Variants in NRG1 observed in about 807,000 individuals in gnomAD.
NRG1 encodes pro-neuregulin-1, membrane-bound isoform.
A neutral mutation model predicts 63.8 loss-of-function variants in NRG1; 18 were observed. The observed-to-expected ratio is 0.28, with a 90% CI of 0.19 to 0.42. NRG1 has a LOEUF of 0.42. Ranked by LOEUF, NRG1 falls within the 10% of genes least tolerant of loss-of-function variation. The probability of loss-of-function intolerance (pLI) is 1.00; values close to 1 mark genes in which losing one functional copy is unlikely to be tolerated. For missense variants in NRG1, 762 were observed against 814.7 expected, an observed-to-expected ratio of 0.94 and a Z score of 0.79; for synonymous variants, 302 against 301.3, an observed-to-expected ratio of 1.00 and a Z score of -0.02.
chr8:31,906,613 T>C (rs1191962356), intron 1 of NRG1, among the ~76,000 whole-genome samples: 1 of 152,156 alleles, frequency 6.6e-6, no homozygotes, highest in Non-Finnish European at 1.5e-5. Flanking sequence ...AGCAGTACTT[T>C]TAAGAAAGAA....
chr8:32,338,511 G>A (rs1490481343), intron 1 of NRG1, among the ~76,000 whole-genome samples: 1 of 152,098 alleles, frequency 6.6e-6, no homozygotes, highest in Admixed American at 6.6e-5. Context: ...CTGTACGCTA[G>A]GAGAATGGTG....
chr8:32,713,761 T>TA (rs1360896825), intron 5 of NRG1, among the ~76,000 whole-genome samples: 1 of 147,126 alleles, frequency 6.8e-6, no homozygotes, highest in East Asian at 1.9e-4. Flanking sequence ...ATATATTATA[T>TA]ATTTATATAA....
At chr8:32,102,633 G>A (rs2131369869) in intron 1 of NRG1, among the ~76,000 whole-genome samples, 1 of 152,248 alleles carries the variant, frequency 6.6e-6, no homozygotes, top group South Asian at 2.1e-4. Context: ...CTCCCTGTTA[G>A]GGGCACCTGA....
chr8:32,619,417 G>A (rs545576049), intron 5 of NRG1, among the ~76,000 whole-genome samples: 2 of 152,310 alleles, frequency 1.3e-5, no homozygotes, highest in African/African-American at 4.8e-5. Context: ...GTCTGAGCAT[G>A]TAGTGCCTTG....
chr8:32,051,762 G>A (rs969081518), intron 1 of NRG1, among the ~76,000 whole-genome samples: 1 of 152,100 alleles, frequency 6.6e-6, no homozygotes, highest in African/African-American at 2.4e-5. Flanking sequence ...GGGGAATGAT[G>A]GGAGATTTGC....
chr8:32,475,748 G>A (rs1445680628), intron 1 of NRG1, among the ~76,000 whole-genome samples: 1 of 152,118 alleles, frequency 6.6e-6, no homozygotes. Context: ...ATCTAAAAGT[G>A]TGGCAGAGGG....
Position 31,987,029 on chromosome 8 carries a change from G to C in NRG1, c.37+347598G>C, listed in dbSNP as rs545705279. On this transcript the variant is annotated intron_variant, in intron 1 of 10. Coordinates refer to the NRG1 transcript ENST00000519301. Reference sequence around the variant, plus strand: ...AATGTATTAGTGTTGGCTGAGCATGGTGGCTCACGCCTATAATCCTAGCAC... The same window carrying C: ...AATGTATTAGTGTTGGCTGAGCATGCTGGCTCACGCCTATAATCCTAGCAC... 2.6e-5 allele frequency among the ~76,000 whole-genome samples: 4 copies of C among 152,208 alleles called. No individual in the cohort carries two copies. In the East Asian group the frequency reaches 7.8e-4, roughly 30 times the overall value.
intron 5 of NRG1, among the ~76,000 whole-genome samples, chr8:32,700,503 A>G: frequency 6.6e-6 from 1 of 152,212 alleles, no homozygotes; most frequent in Non-Finnish European, 1.5e-5. Context: ...TAGAATTTAG[A>G]TAAGAATTAT....
intron 1 of NRG1, among the ~76,000 whole-genome samples, chr8:32,174,159 T>G (rs1485437982): frequency 6.6e-6 from 1 of 152,074 alleles, no homozygotes; most frequent in Non-Finnish European, 1.5e-5. Flanking sequence ...CACAGTGCAA[T>G]CAAACTAGTA....
At chr8:31,820,509 C>G (rs1265535072) in intron 1 of NRG1, among the ~76,000 whole-genome samples, 4 of 152,100 alleles carry the variant, frequency 2.6e-5, no homozygotes, top group African/African-American at 7.2e-5. Flanking sequence ...CATTCTTTAG[C>G]CAAGGTTGCC....
intron 1 of NRG1, among the ~76,000 whole-genome samples, chr8:32,453,780 C>T (rs1029812227): frequency 1.3e-5 from 2 of 152,212 alleles, no homozygotes; most frequent in Non-Finnish European, 2.9e-5. Context: ...CTGAAGAAAC[C>T]AGGTTCCTTT....
intron 1 of NRG1, among the ~76,000 whole-genome samples, chr8:32,033,278 G>C (rs1818556128): frequency 6.6e-6 from 1 of 151,840 alleles, no homozygotes; most frequent in Non-Finnish European, 1.5e-5. Context: ...TCTTATTTCT[G>C]AGTTCTCTAT....
chr8:32,764,034 A>G (rs754950296), exon 12 of NRG1: 9 of 1,614,036 alleles, frequency 5.6e-6, no homozygotes, highest in Non-Finnish European at 7.6e-6. Flanking sequence ...CCCCTTGAGG[A>G]TAGTGGAGGA....
intron 1 of NRG1, among the ~76,000 whole-genome samples, chr8:31,770,009 G>C (rs1240294993): frequency 6.6e-6 from 1 of 152,130 alleles, no homozygotes; most frequent in Non-Finnish European, 1.5e-5. Flanking sequence ...CAGGAAATAG[G>C]TGTTGGCATC....
intron 1 of NRG1, among the ~76,000 whole-genome samples, chr8:31,698,739 G>A (rs1810336044): frequency 6.6e-6 from 1 of 152,188 alleles, no homozygotes; most frequent in Non-Finnish European, 1.5e-5. Context: ...TCTTTAGCAA[G>A]CAGCATATCA....
At chr8:31,803,055 C>T (rs753790905) in intron 1 of NRG1, among the ~76,000 whole-genome samples, 4 of 152,090 alleles carry the variant, frequency 2.6e-5, no homozygotes, top group Non-Finnish European at 4.4e-5. Flanking sequence ...AATTTGAGAG[C>T]GTTCATGAGT....
At chr8:32,195,626 A>T (rs552413998) in intron 1 of NRG1, among the ~76,000 whole-genome samples, 1 of 152,176 alleles carries the variant, frequency 6.6e-6, no homozygotes, top group Admixed American at 6.5e-5. Context: ...AAATCTATTA[A>T]AAGGAAATGA....
chr8:32,743,028 A>AATGCT, intron 7 of NRG1: 1 of 1,187,334 alleles, frequency 8.4e-7, no homozygotes, highest in African/African-American at 1.5e-5. Flanking sequence ...GCAGTGAAAT[A>AATGCT]TGATAATAAA....
chr8:31,950,804 T>C (rs1165285298), intron 1 of NRG1, among the ~76,000 whole-genome samples: 1 of 152,216 alleles, frequency 6.6e-6, no homozygotes, highest in African/African-American at 2.4e-5. Context: ...AGCTGTGTTT[T>C]TACTGATTTT....
Sources: allele counts gnomAD v4.1 joint callset (sites outside exome capture counted in the v4.1 genomes callset), GRCh38; gene constraint gnomAD v4.1.1; transcripts MANE v1.5; gene names NCBI Gene and HGNC (gene_info 2026-07-23, HGNC 2026-07-21).